Variants in SERP2 observed in about 807,000 individuals in gnomAD.
SERP2 encodes stress-associated endoplasmic reticulum protein 2.
In SERP2, 6 loss-of-function variants were observed where a neutral mutation model predicts 9.1. That is an observed-to-expected ratio of 0.66 (90% CI 0.36 to 1.30). The LOEUF is 1.30. SERP2 is among the 50% of genes most tolerant of loss of function. The probability of loss-of-function intolerance (pLI) is 0.03; values close to 1 mark genes in which losing one functional copy is unlikely to be tolerated. For missense variants in SERP2, 58 were observed against 81.9 expected (o/e 0.71, Z 1.13); for synonymous variants, 37 against 27.3 (o/e 1.35, Z -1.10).
At chr13:44,374,377 C>T (rs1171893628) in intron 1 of SERP2, among the ~76,000 whole-genome samples, 2 of 152,178 alleles carry the variant, frequency 1.3e-5, no homozygotes, top group Non-Finnish European at 2.9e-5. Flanking sequence ...CGCAGAGGAG[C>T]CCTCCTCCCC....
intron 2 of SERP2, among the ~76,000 whole-genome samples, chr13:44,383,933 A>T (rs919675499): frequency 6.6e-6 from 1 of 152,112 alleles, no homozygotes; most frequent in Non-Finnish European, 1.5e-5. Context: ...TAGACATGAA[A>T]TGAGAGTTGA....
At chr13:44,386,933 C>T (rs1309677385) in intron 2 of SERP2, among the ~76,000 whole-genome samples, 1 of 152,082 alleles carries the variant, frequency 6.6e-6, no homozygotes, top group Non-Finnish European at 1.5e-5. Context: ...CTTTTTTTCT[C>T]TCCCCTTTTA....
At chr13:44,393,463 G>A (rs563079427) in intron 2 of SERP2, among the ~76,000 whole-genome samples, 36 of 152,254 alleles carry the variant, frequency 2.4e-4, no homozygotes, top group South Asian at 1.9e-3. Context: ...CAGAGGCTTC[G>A]TGGGTCTGGT....
chr13:44,392,019 AC>A (rs1235961109), intron 2 of SERP2, among the ~76,000 whole-genome samples: 1 of 151,426 alleles, frequency 6.6e-6, no homozygotes, highest in East Asian at 1.9e-4. Flanking sequence ...ACATAGTGAA[AC>A]CCCGTCTCTA....
At chr13:44,377,690 A>G (rs192516612) in intron 1 of SERP2, among the ~76,000 whole-genome samples, 1 of 152,340 alleles carries the variant, frequency 6.6e-6, no homozygotes, top group East Asian at 1.9e-4. Context: ...ACTTTAATCC[A>G]TATTTCTCAT....
intron 2 of SERP2, among the ~76,000 whole-genome samples, chr13:44,396,752 G>C (rs1873127453): frequency 6.6e-6 from 1 of 152,170 alleles, no homozygotes; most frequent in Admixed American, 6.5e-5. Flanking sequence ...GCCTTTCAGA[G>C]AGTTCCAAGC....
At position 44,397,373 on chromosome 13, in the gene SERP2, TCAGC is replaced by T; in HGVS notation, c.*65_*68del. 1 of 1,303,684 alleles carries T rather than the reference TCAGC, an allele frequency of 7.7e-7. No individual in the cohort carries two copies. The highest frequency in any genetic ancestry group is 1.1e-6 in the Non-Finnish European group (1 of 899,352). 80.8% of individuals were successfully genotyped at this position (1,303,684 alleles called of 1,614,324 possible). A position where few individuals can be genotyped will look rare whatever the true frequency, so the allele number is the denominator to read the frequency against. ...GGAGGCGGGAGGACAACGGAAGCGG[TCAGC>T]CAGTTTCTGCGGGAAACAAGCAGGC... is the stretch of plus-strand genomic sequence containing the variant. On this transcript the variant is annotated 3_prime_UTR_variant, in exon 3 of 3. Coordinates refer to ENST00000379179, the MANE Select transcript of SERP2 (RefSeq NM_001010897.3).
chr13:44,377,433 C>T (rs1311374756), intron 1 of SERP2, among the ~76,000 whole-genome samples: 4 of 152,226 alleles, frequency 2.6e-5, no homozygotes, highest in African/African-American at 9.6e-5. Context: ...GAATGTCACA[C>T]TTTGTTCAGG....
chr13:44,385,689 C>G (rs754104928), intron 2 of SERP2, among the ~76,000 whole-genome samples: 1 of 152,130 alleles, frequency 6.6e-6, no homozygotes, highest in Non-Finnish European at 1.5e-5. Context: ...AGTTTTGAGC[C>G]TAGATTCACT....
Position 44,379,640 on chromosome 13 carries a change from G to C in SERP2, c.85-1G>C. The C allele has an allele frequency of 1.2e-6, 2 of 1,609,304 alleles. No individual in the cohort carries two copies. The highest frequency in any genetic ancestry group is 1.7e-6 in the Non-Finnish European group (2 of 1,177,668). Reference sequence around the variant, plus strand: ...TCTTACTTTTTCCCATTCCCTTTTAGAGGCCGCAAGAGGAGAAATATCCTG... The same window carrying C: ...TCTTACTTTTTCCCATTCCCTTTTACAGGCCGCAAGAGGAGAAATATCCTG... On this transcript the variant is annotated splice_acceptor_variant, in intron 1 of 2. Coordinates refer to ENST00000379179, the MANE Select transcript of SERP2 (RefSeq NM_001010897.3). LOFTEE classifies it high-confidence loss of function.
chr13:44,396,182 C>G lies in SERP2; in HGVS notation c.158-1090C>G, dbSNP rs530302746. On this transcript the variant is annotated intron_variant, in intron 2 of 2. Coordinates refer to ENST00000379179, the MANE Select transcript of SERP2 (RefSeq NM_001010897.3). ...AACCCAGCTGTCCAAGAACGATTCC[C>G]CAAGGCCCTGTCCATCATTTCTCTT... The G allele has an allele frequency of 9.2e-4, 160 of 174,584 alleles. 1 individual carries two copies. Among genetic ancestry groups the G allele is most frequent in the Non-Finnish European group, 1.6e-3 (135 of 82,070 alleles). 10.8% of individuals were successfully genotyped at this position (174,584 alleles called of 1,614,324 possible).
chr13:44,377,823 GT>G (rs1469863282), intron 1 of SERP2, among the ~76,000 whole-genome samples: 1 of 152,152 alleles, frequency 6.6e-6, no homozygotes, highest in Non-Finnish European at 1.5e-5. Context: ...AAACTTGTAT[GT>G]TTATTTGTTC....
intron 2 of SERP2, chr13:44,390,736 C>G (rs564006811): frequency 6.2e-6 from 1 of 160,668 alleles, no homozygotes; most frequent in East Asian, 1.9e-4. Flanking sequence ...CTGCCTGTCT[C>G]CGGCATCTCT....
At chr13:44,376,086 C>T (rs1871632025) in intron 1 of SERP2, among the ~76,000 whole-genome samples, 1 of 152,174 alleles carries the variant, frequency 6.6e-6, no homozygotes, top group Admixed American at 6.5e-5. Context: ...TTTTAAATGG[C>T]CCAGCTAAAT....
At chr13:44,374,534 G>A (rs1232225798) in intron 1 of SERP2, among the ~76,000 whole-genome samples, 1 of 152,126 alleles carries the variant, frequency 6.6e-6, no homozygotes, top group African/African-American at 2.4e-5. Context: ...GCATGACACA[G>A]AGCCTGGAAC....
intron 2 of SERP2, among the ~76,000 whole-genome samples, chr13:44,394,251 C>T (rs2138799780): frequency 6.6e-6 from 1 of 152,224 alleles, no homozygotes; most frequent in African/African-American, 2.4e-5. Flanking sequence ...GATTCTCCTG[C>T]CTCAGCCTCC....
intron 2 of SERP2, among the ~76,000 whole-genome samples, chr13:44,392,196 C>CAAAAAAAAAA (rs760513486): frequency 0.043 from 1,530 of 35,874 alleles, 501 homozygotes; most frequent in East Asian, 0.082. Flanking sequence ...GACTCTGTCT[C>CAAAAAAAAAA]AAAAAAAAAA....
rs1179424079 is a variant in SERP2, at chr13:44,374,114, G to A, written c.84+5G>A. The A allele has an allele frequency of 1.3e-6, 2 of 1,561,874 alleles. No individual in the cohort carries two copies. The highest frequency in any genetic ancestry group is 8.7e-7 in the Non-Finnish European group (1 of 1,156,022). ...GGGAACGTAGCCAAAACCCTGGTAA[G>A]GCGGGGTCGGCGCCGGCCAGGCAGA... On this transcript the variant is annotated splice_donor_5th_base_variant and intron_variant, in intron 1 of 2. Transcript: ENST00000379179.
chr13:44,387,564 G>A (rs572753819), intron 2 of SERP2, among the ~76,000 whole-genome samples: 1 of 152,100 alleles, frequency 6.6e-6, no homozygotes, highest in South Asian at 2.1e-4. Flanking sequence ...CTACCTGTTT[G>A]GATAATTTTA....
Sources: gnomAD v4.1 joint callset for allele counts (sites outside exome capture counted in the v4.1 genomes callset) on GRCh38, gnomAD v4.1.1 for gene constraint, MANE v1.5 for transcripts, NCBI Gene and HGNC (gene_info 2026-07-23, HGNC 2026-07-21) for gene names.